The following IL1RAPL2 variants were observed in gnomAD, a reference collection of about 807,000 sequenced individuals.
IL1RAPL2 encodes the protein X-linked interleukin-1 receptor accessory protein-like 2.
A neutral mutation model predicts 44.1 loss-of-function variants in IL1RAPL2; 3 were observed. The ratio of observed to expected loss-of-function variants is 0.07; its 90% confidence interval spans 0.03 to 0.18. The LOEUF (loss-of-function observed/expected upper bound fraction) is 0.18. IL1RAPL2 is among the 10% of genes least tolerant of loss of function. The pLI is 1.00. For missense variants in IL1RAPL2, 391 were observed against 496.4 expected (o/e 0.79, Z 2.02); for synonymous variants, 181 against 178.8 (o/e 1.01, Z -0.10).
intron 1 of IL1RAPL2, among the ~76,000 whole-genome samples, chrX:104,599,494 C>T (rs1335589638): frequency 9.1e-6 from 1 of 110,461 alleles, no homozygotes; most frequent in Non-Finnish European, 1.9e-5. Flanking sequence ...GTGATCCTCC[C>T]ACCTCAGCCT....
intron 5 of IL1RAPL2, among the ~76,000 whole-genome samples, chrX:105,376,591 T>C (rs1021040038): frequency 1.8e-5 from 2 of 111,837 alleles, no homozygotes; most frequent in African/African-American, 6.5e-5. Context: ...ACTCTTTTTT[T>C]ATTTTTCAGA....
chrX:105,567,151 A>G (rs745426791), intron 6 of IL1RAPL2, among the ~76,000 whole-genome samples: 32 of 111,828 alleles, frequency 2.9e-4, no homozygotes, highest in Non-Finnish European at 4.9e-4. Context: ...AAATGCATCT[A>G]AGAGCTAGAA....
chrX:104,690,443 A>G (rs1451785856), intron 2 of IL1RAPL2, among the ~76,000 whole-genome samples: 1 of 112,345 alleles, frequency 8.9e-6, no homozygotes, highest in African/African-American at 3.2e-5. Context: ...CAAACAGGAC[A>G]ATGCATATGA....
intron 5 of IL1RAPL2, among the ~76,000 whole-genome samples, chrX:105,290,053 A>G (rs1268317949): frequency 9.0e-6 from 1 of 111,481 alleles, no homozygotes; most frequent in African/African-American, 3.3e-5. Context: ...TGTTATTTAG[A>G]AACGTGGTAG....
At chrX:104,723,695 A>C (rs1330569828) in intron 2 of IL1RAPL2, among the ~76,000 whole-genome samples, 2 of 110,765 alleles carry the variant, frequency 1.8e-5, no homozygotes, top group Non-Finnish European at 3.8e-5. Context: ...GATGGAAAAA[A>C]AAATCTCCTA....
intron 2 of IL1RAPL2, among the ~76,000 whole-genome samples, chrX:104,817,896 A>T (rs1261287929): frequency 9.0e-6 from 1 of 111,504 alleles, no homozygotes; most frequent in Non-Finnish European, 1.9e-5. Flanking sequence ...GGAAGGATCA[A>T]GGATGACTCC....
intron 5 of IL1RAPL2, among the ~76,000 whole-genome samples, chrX:105,448,858 A>G (rs1236951478): frequency 9.0e-6 from 1 of 110,845 alleles, no homozygotes; most frequent in Non-Finnish European, 1.9e-5. Flanking sequence ...CAGCATGCCA[A>G]TTTTATTTTC....
intron 4 of IL1RAPL2, among the ~76,000 whole-genome samples, chrX:105,253,095 G>C (rs957315866): frequency 9.0e-6 from 1 of 111,358 alleles, no homozygotes; most frequent in African/African-American, 3.3e-5. Flanking sequence ...CCCAGACCCA[G>C]TCTGCTCCAA....
At chrX:105,516,387 A>G (rs959226532) in intron 6 of IL1RAPL2, among the ~76,000 whole-genome samples, 3 of 112,001 alleles carry the variant, frequency 2.7e-5, no homozygotes, top group Non-Finnish European at 5.6e-5. Flanking sequence ...CTCAAAACAC[A>G]GGGAAGAATT....
intron 2 of IL1RAPL2, among the ~76,000 whole-genome samples, chrX:104,857,057 G>C (rs1922384348): frequency 8.9e-6 from 1 of 111,933 alleles, no homozygotes; most frequent in East Asian, 2.8e-4. Context: ...TTCCCACAAT[G>C]CCATATTACT....
chrX:105,200,767 C>T (rs1484055788), intron 3 of IL1RAPL2, among the ~76,000 whole-genome samples: 1 of 110,925 alleles, frequency 9.0e-6, no homozygotes, highest in East Asian at 2.8e-4. Flanking sequence ...CAAAATTTCG[C>T]TGGGCGTGGT....
intron 2 of IL1RAPL2, among the ~76,000 whole-genome samples, chrX:104,694,288 T>C (rs1191509564): frequency 8.9e-6 from 1 of 111,867 alleles, no homozygotes; most frequent in Non-Finnish European, 1.9e-5. Flanking sequence ...TTCTTCAGAC[T>C]GTAATTAACA....
At chrX:105,605,322 A>T (rs2037285545) in intron 6 of IL1RAPL2, among the ~76,000 whole-genome samples, 1 of 111,703 alleles carries the variant, frequency 9.0e-6, no homozygotes, top group African/African-American at 3.2e-5. Context: ...AACTAGCAGG[A>T]AAAGAAATTA....
chrX:105,119,781 TA>T (rs745355465), intron 2 of IL1RAPL2, among the ~76,000 whole-genome samples: 1 of 111,355 alleles, frequency 9.0e-6, no homozygotes, highest in South Asian at 3.8e-4. Flanking sequence ...ACTAAAAAGT[TA>T]GTTGGATACT....
At chrX:104,753,217 A>T (rs6652390) in intron 2 of IL1RAPL2, among the ~76,000 whole-genome samples, 58,208 of 107,262 alleles carry the variant, frequency 0.54, 12,934 homozygotes, top group African/African-American at 0.81. Context: ...CAAGTACTTA[A>T]TGACTTAAAT....
chrX:104,947,079 T>G (rs1036784622), intron 2 of IL1RAPL2, among the ~76,000 whole-genome samples: 2 of 110,721 alleles, frequency 1.8e-5, no homozygotes, highest in African/African-American at 6.6e-5. Context: ...CAGCACTTCT[T>G]GTTTCCTGAC....
chrX:105,074,280 A>C (rs935409215), intron 2 of IL1RAPL2, among the ~76,000 whole-genome samples: 28 of 111,685 alleles, frequency 2.5e-4, no homozygotes, highest in African/African-American at 8.8e-4. Context: ...TTTTCCCAGC[A>C]CCATTTATTA....
chrX:105,666,971 T>A (rs980536664), intron 6 of IL1RAPL2, among the ~76,000 whole-genome samples: 1 of 111,761 alleles, frequency 8.9e-6, no homozygotes, highest in African/African-American at 3.3e-5. Context: ...GGCATTGTCT[T>A]TACACAATCC....
At chrX:104,614,485 A>C (rs966861814) in intron 1 of IL1RAPL2, among the ~76,000 whole-genome samples, 1 of 111,951 alleles carries the variant, frequency 8.9e-6, no homozygotes, top group Non-Finnish European at 1.9e-5. Flanking sequence ...ATATGAGAAG[A>C]ATGTATATTC....
Sources: allele counts gnomAD v4.1 joint callset (sites outside exome capture counted in the v4.1 genomes callset), GRCh38; gene constraint gnomAD v4.1.1; transcripts MANE v1.5; gene names NCBI Gene and HGNC (gene_info 2026-07-23, HGNC 2026-07-21).